The following VDAC1 variants were observed in gnomAD, a reference collection of about 807,000 sequenced individuals.
The protein encoded by VDAC1 is non-selective voltage-gated ion channel VDAC1.
VDAC1 carries 10 observed loss-of-function variants against 34.7 expected under a neutral mutation model. The observed-to-expected ratio is 0.29, with a 90% confidence interval of 0.18 to 0.49. The LOEUF is 0.49. VDAC1 is among the 20% of genes least tolerant of loss of function. The probability of loss-of-function intolerance (pLI) is 0.99; values close to 1 mark genes in which losing one functional copy is unlikely to be tolerated. For synonymous variants in VDAC1, 130 were observed against 136.0 expected, an observed-to-expected ratio of 0.96 and a Z score of 0.30; for missense variants, 230 against 347.9, an observed-to-expected ratio of 0.66 and a Z score of 2.69.
At chr5:134,092,284 T>A in the VDAC1 span, among the ~76,000 whole-genome samples, 1 of 152,186 alleles carries the variant, frequency 6.6e-6, no homozygotes, top group Non-Finnish European at 1.5e-5. Context: ...AAAATCACTA[T>A]AATTTCCTAA....
intron 1 of VDAC1, among the ~76,000 whole-genome samples, chr5:133,999,805 G>A (rs923514480): frequency 2.0e-5 from 3 of 152,084 alleles, no homozygotes; most frequent in Admixed American, 6.6e-5. Flanking sequence ...CTGCAAAGAC[G>A]CTAACCAACA....
the VDAC1 span, among the ~76,000 whole-genome samples, chr5:134,085,623 C>T: frequency 1.4e-5 from 2 of 147,346 alleles, no homozygotes; most frequent in East Asian, 4.1e-4. Context: ...CGCAGTGGCT[C>T]ACGCCTGTAA....
the VDAC1 span, among the ~76,000 whole-genome samples, chr5:134,030,350 AAG>A: frequency 6.6e-6 from 1 of 152,098 alleles, no homozygotes; most frequent in Admixed American, 6.6e-5. Context: ...CAAAAAAAAA[AAG>A]AGAAAAAAAT....
intron 5 of VDAC1, 109 bp from the exon 6 acceptor site, chr5:133,981,065 T>A: frequency 3.3e-6 from 3 of 896,672 alleles, no homozygotes; most frequent in Non-Finnish European, 5.1e-6. Context: ...GGGGTGGGGG[T>A]GAAGTCAGGG....
chr5:134,085,164 G>T, the VDAC1 span, among the ~76,000 whole-genome samples: 2 of 151,808 alleles, frequency 1.3e-5, no homozygotes, highest in African/African-American at 4.8e-5. Flanking sequence ...CGCCTCCCGG[G>T]TTCACGCCTT....
chr5:134,071,274 CG>C, the VDAC1 span, among the ~76,000 whole-genome samples: 30 of 152,324 alleles, frequency 2.0e-4, no homozygotes, highest in East Asian at 3.3e-3. The surrounding 1 kb of genome is among the most constrained non-coding windows in gnomAD (Gnocchi z 4.1). Flanking sequence ...GGGGCGGCGC[CG>C]TGCGGGAGGG....
At chr5:134,085,729 A>AAAAAAAAAAAAAAAAC in the VDAC1 span, among the ~76,000 whole-genome samples, 1 of 128,378 alleles carries the variant, frequency 7.8e-6, no homozygotes, top group Non-Finnish European at 1.8e-5. Context: ...TTCTAAAAAA[A>AAAAAAAAAAAAAAAAC]AAAAAAAAAA....
At chr5:134,085,626 G>A in the VDAC1 span, among the ~76,000 whole-genome samples, 1 of 143,644 alleles carries the variant, frequency 7.0e-6, no homozygotes, top group Admixed American at 7.3e-5. Context: ...AGTGGCTCAC[G>A]CCTGTAATCC....
At chr5:134,083,858 C>T in the VDAC1 span, among the ~76,000 whole-genome samples, 1 of 152,172 alleles carries the variant, frequency 6.6e-6, no homozygotes, top group African/African-American at 2.4e-5. Context: ...TGGCCACGGG[C>T]CTGAGCAGTC....
the VDAC1 span, among the ~76,000 whole-genome samples, chr5:134,051,526 G>A: frequency 1.3e-5 from 2 of 152,196 alleles, no homozygotes; most frequent in Non-Finnish European, 2.9e-5. Context: ...CTTGTTGAGT[G>A]AGTCAGCCAG....
chr5:134,005,635 G>A (rs1356753137), upstream of VDAC1: 1 of 152,216 alleles, frequency 6.6e-6, no homozygotes, highest in African/African-American at 2.4e-5. Flanking sequence ...CCGACTGAGG[G>A]CACCCCGGGT....
chr5:134,111,414 C>G, the VDAC1 span, among the ~76,000 whole-genome samples: 18 of 152,142 alleles, frequency 1.2e-4, 1 homozygote, highest in African/African-American at 4.3e-4. Context: ...ACTCCCCGGT[C>G]ACCTCCAGGG....
the VDAC1 span, among the ~76,000 whole-genome samples, chr5:134,074,495 C>G: frequency 6.6e-6 from 1 of 151,938 alleles, no homozygotes; most frequent in East Asian, 1.9e-4. Flanking sequence ...CCTGACTTAC[C>G]AATGCGAGAT....
At chr5:134,073,682 C>T in the VDAC1 span, among the ~76,000 whole-genome samples, 2 of 152,154 alleles carry the variant, frequency 1.3e-5, no homozygotes, top group East Asian at 3.9e-4. Context: ...ATGGAATACA[C>T]ACTGGAGAAT....
At chr5:133,983,912 C>A (rs1752801134) in intron 5 of VDAC1, among the ~76,000 whole-genome samples, 1 of 152,086 alleles carries the variant, frequency 6.6e-6, no homozygotes. Context: ...ATGTGATGTG[C>A]CTGCTCCTGC....
At chr5:134,057,161 C>T in the VDAC1 span, among the ~76,000 whole-genome samples, 1 of 152,116 alleles carries the variant, frequency 6.6e-6, no homozygotes, top group East Asian at 1.9e-4. Flanking sequence ...ATGGTAAAAC[C>T]CTGTCTCTAC....
intron 7 of VDAC1, among the ~76,000 whole-genome samples, chr5:133,974,165 C>A (rs889077803): frequency 2.0e-5 from 3 of 152,096 alleles, no homozygotes; most frequent in African/African-American, 7.2e-5. Context: ...TAAGTGCTTG[C>A]TGTTAAGGGA....
At chr5:133,983,482 G>A (rs1752778790) in intron 5 of VDAC1, among the ~76,000 whole-genome samples, 2 of 152,012 alleles carry the variant, frequency 1.3e-5, no homozygotes, top group Non-Finnish European at 2.9e-5. Context: ...TCAAAGCTGT[G>A]TGATAGGAAT....
chr5:133,977,168 C>G (rs1752512893), intron 6 of VDAC1, among the ~76,000 whole-genome samples: 1 of 152,254 alleles, frequency 6.6e-6, no homozygotes, highest in South Asian at 2.1e-4. Flanking sequence ...GAGCCCTTGG[C>G]ACAACCTGCT....
Sources: gnomAD v4.1 joint callset for allele counts (sites outside exome capture counted in the v4.1 genomes callset) on GRCh38, gnomAD v4.1.1 for gene constraint, Gnocchi (gnomAD v3.1) non-coding constraint, MANE v1.5 for transcripts, NCBI Gene and HGNC (gene_info 2026-07-23, HGNC 2026-07-21) for gene names.